CEP63: variants seen among roughly 807,000 people sequenced by gnomAD.
CEP63 encodes centrosomal protein 63.
Under a neutral mutation model 89.1 loss-of-function variants are expected in CEP63, and 84 were observed. That is an observed-to-expected ratio of 0.94 (90% CI 0.79 to 1.13). The LOEUF (loss-of-function observed/expected upper bound fraction) is 1.13. Ranked by LOEUF, CEP63 falls within the 50% of genes most tolerant of loss-of-function variation. The probability of loss-of-function intolerance (pLI) is 0.00; values close to 1 mark genes in which losing one functional copy is unlikely to be tolerated. For synonymous variants in CEP63, 267 were observed against 272.5 expected, an observed-to-expected ratio of 0.98 and a Z score of 0.20; for missense variants, 838 against 813.3, an observed-to-expected ratio of 1.03 and a Z score of -0.37.
chr3:134,583,124 T>C (rs1258447796), intron 10 of CEP63, among the ~76,000 whole-genome samples: 2 of 152,210 alleles, frequency 1.3e-5, no homozygotes, highest in Non-Finnish European at 2.9e-5. Flanking sequence ...TCCCATTCTA[T>C]AGGTTGCCTG....
At chr3:134,515,065 A>G (rs1019462278) in intron 3 of CEP63, among the ~76,000 whole-genome samples, 1 of 152,194 alleles carries the variant, frequency 6.6e-6, no homozygotes, top group African/African-American at 2.4e-5. Flanking sequence ...TATGGTGGCA[A>G]TGGTGTTATA....
the CEP63 span, among the ~76,000 whole-genome samples, chr3:134,653,888 C>T: frequency 6.6e-6 from 1 of 152,164 alleles, no homozygotes; most frequent in African/African-American, 2.4e-5. Context: ...CATACTAGCC[C>T]CTCCATCCTG....
intron 7 of CEP63, 142 bp downstream of exon 7, chr3:134,545,961 A>C: frequency 1.2e-6 from 1 of 832,952 alleles, no homozygotes; most frequent in Non-Finnish European, 1.9e-6. Flanking sequence ...TAGTTTTACT[A>C]ATATTGTGAC....
rs143887458 is a variant in CEP63 at position 134,573,912 on chromosome 3, GC to G, written c.1330-878del. On this transcript the variant is annotated intron_variant, in intron 11 of 11. Coordinates refer to the CEP63 transcript ENST00000354446. ...AGAGTTAGGCCCTGAGGTTTTGGAA[GC>G]CCTCAGCATTTAGGACAGCATTTAG... Among the ~76,000 whole-genome samples the G allele has an allele frequency of 8.2e-3, 1,244 of 152,288 alleles. 15 individuals carry two copies. The highest frequency in any genetic ancestry group is 0.029 in the African/African-American group (1,191 of 41,544).
the CEP63 span, among the ~76,000 whole-genome samples, chr3:134,713,364 T>TG: frequency 6.6e-6 from 1 of 151,848 alleles, no homozygotes; most frequent in Non-Finnish European, 1.5e-5. Context: ...CAATGACACA[T>TG]GGGGGAGGTC....
rs149315170 is a variant in CEP63, at chr3:134,559,271, C to T, written c.1795C>T (p.Leu599=). The change falls in exon 14 of 15, where the codon CTG becomes TTG. Residue 599 remains leucine (L), a synonymous_variant. Coordinates refer to ENST00000675561, the MANE Select transcript of CEP63 (RefSeq NM_001353108.3). The part of the protein sequence containing the change: ...INPMSRVLSP[L]SPQISPCSST... Reference sequence around the variant, plus strand: ...CCCCATGTCTAGGGTGCTAAGCCCCCTGAGTCCTCAAATCAGCCCTTGCAG... The same window carrying T: ...CCCCATGTCTAGGGTGCTAAGCCCCTTGAGTCCTCAAATCAGCCCTTGCAG... 8 of 1,614,080 alleles carry T rather than the reference C, an allele frequency of 5.0e-6. No individual in the cohort carries two copies. The African/African-American group carries it at 9.3e-5, about 19-fold the overall frequency.
chr3:134,642,378 T>C, the CEP63 span, among the ~76,000 whole-genome samples: 8 of 152,224 alleles, frequency 5.3e-5, no homozygotes, highest in African/African-American at 1.9e-4. Flanking sequence ...TGAACTCTTA[T>C]GGCTGAGCCT....
rs199847200 is a variant in CEP63, at chr3:134,532,914, A to C, written c.441+14A>C. 1 of 1,612,920 alleles carries C rather than the reference A, an allele frequency of 6.2e-7. No individual in the cohort carries two copies. The highest frequency in any genetic ancestry group is 8.5e-7 in the Non-Finnish European group (1 of 1,179,312). On this transcript the variant is annotated intron_variant, in intron 5 of 14. Coordinates refer to ENST00000675561, the MANE Select transcript of CEP63 (RefSeq NM_001353108.3). ...GCAAAAATAGAGGTATGTTCATAGT[A>C]ATAATTTGTTCATAGTGATTGTCAG...
At chr3:134,604,035 G>A in the CEP63 span, 32,160 of 1,614,012 alleles carry the variant, frequency 0.02, 371 homozygotes, top group Non-Finnish European at 0.024. Context: ...GGAAGATGTA[G>A]CGCCGCTGTG....
rs962864267 is a variant in CEP63, at chr3:134,499,960, A to G, written c.44+4596A>G. ...TGTCTCAGCCTTGCAAGTAGCTGGG[A>G]TTACAGGCACACACCACCATGCCCA... On this transcript the variant is annotated intron_variant, in intron 2 of 14. Transcript: ENST00000675561. Among the ~76,000 whole-genome samples the G allele has an allele frequency of 2.0e-5, 3 of 150,314 alleles. No homozygotes were observed. The Admixed American group carries it at 2.0e-4, about 10-fold the overall frequency.
At chr3:134,501,681 A>G (rs1025014341) in intron 2 of CEP63, among the ~76,000 whole-genome samples, 1 of 152,176 alleles carries the variant, frequency 6.6e-6, no homozygotes. Flanking sequence ...TTGATTTTGT[A>G]TTCTGAAACT....
At chr3:134,723,739 G>A in the CEP63 span, among the ~76,000 whole-genome samples, 1 of 152,166 alleles carries the variant, frequency 6.6e-6, no homozygotes, top group South Asian at 2.1e-4. Context: ...TCTTGGAGCA[G>A]CTCTCACCTC....
the CEP63 span, among the ~76,000 whole-genome samples, chr3:134,715,798 G>T: frequency 3.9e-5 from 6 of 151,988 alleles, no homozygotes; most frequent in Admixed American, 3.3e-4. Context: ...CTAGCCCACT[G>T]ATCACACCAG....
At chr3:134,558,000 T>C in intron 12 of CEP63, 142 bp from the exon 13 acceptor site, 2 of 707,468 alleles carry the variant, frequency 2.8e-6, no homozygotes, top group South Asian at 3.3e-5. Context: ...CTGTTAGTCT[T>C]AGGAGGCCTA....
chr3:134,612,753 G>A, the CEP63 span, among the ~76,000 whole-genome samples: 1 of 122,192 alleles, frequency 8.2e-6, no homozygotes, highest in South Asian at 2.5e-4. Context: ...CGCCGATGCT[G>A]TGTGTGTGTG....
At chr3:134,552,836 A>C (rs192112948) in intron 12 of CEP63, 7 of 152,258 alleles carry the variant, frequency 4.6e-5, no homozygotes, top group Admixed American at 2.0e-4. Context: ...ATAAGATAGC[A>C]TTCTTGCCTT....
intron 1 of CEP63, chr3:134,487,907 T>C (rs6799110): frequency 0.66 from 100,825 of 152,156 alleles, 33,776 homozygotes; most frequent in East Asian, 0.81. Flanking sequence ...TCCCTCATAG[T>C]TATAGCTATG....
the CEP63 span, among the ~76,000 whole-genome samples, chr3:134,753,009 G>A: frequency 2.0e-5 from 3 of 152,262 alleles, no homozygotes; most frequent in South Asian, 4.1e-4. Flanking sequence ...AAGGGCCTCT[G>A]GGGAGTTCAG....
At chr3:134,503,131 T>C (rs533419395) in intron 2 of CEP63, among the ~76,000 whole-genome samples, 11 of 137,604 alleles carry the variant, frequency 8.0e-5, no homozygotes, top group African/African-American at 2.9e-4. Flanking sequence ...GTCTTTGTGC[T>C]GTTTTGATGT....
Sources: allele counts gnomAD v4.1 joint callset (sites outside exome capture counted in the v4.1 genomes callset), GRCh38; gene constraint gnomAD v4.1.1; transcripts MANE v1.5; gene names NCBI Gene and HGNC (gene_info 2026-07-23, HGNC 2026-07-21).